Variants in BLTP2 observed in about 807,000 individuals in gnomAD.
BLTP2 encodes bridge-like lipid transfer protein family member 2, also known as U937-associated antigen.
At chr17:28,616,270 T>C in the BLTP2 span, 2 of 1,600,924 alleles carry the variant, frequency 1.2e-6, no homozygotes, top group Non-Finnish European at 1.7e-6. This position sits in a 1 kb window ranked among gnomAD's most constrained non-coding sequence, Gnocchi z 4.8. Flanking sequence ...CATCTCCCTC[T>C]TCTTTTATCC....
chr17:28,632,377 A>C, the BLTP2 span: 1 of 645,548 alleles, frequency 1.5e-6, no homozygotes, highest in South Asian at 2.1e-5. Flanking sequence ...AGCATCCCCA[A>C]CTCCCTCTTC....
chr17:28,619,830 G>A, the BLTP2 span: 1 of 1,613,394 alleles, frequency 6.2e-7, no homozygotes, highest in African/African-American at 1.3e-5. Flanking sequence ...AGACTTCCTG[G>A]TTCTCAAACT....
the BLTP2 span, among the ~76,000 whole-genome samples, chr17:28,641,368 A>C: frequency 6.6e-6 from 1 of 152,194 alleles, no homozygotes; most frequent in Admixed American, 6.5e-5. Flanking sequence ...AAGGCCAGGC[A>C]TGGTGGCTCA....
the BLTP2 span, chr17:28,616,632 T>G: frequency 6.2e-7 from 1 of 1,614,232 alleles, no homozygotes; most frequent in Non-Finnish European, 8.5e-7. The surrounding 1 kb of genome is among the most constrained non-coding windows in gnomAD (Gnocchi z 4.8). Flanking sequence ...AGTCACCAGT[T>G]TGGACTTATC....
At chr17:28,623,686 A>G in the BLTP2 span, 2 of 1,287,772 alleles carry the variant, frequency 1.6e-6, no homozygotes, top group Non-Finnish European at 2.2e-6. Context: ...GGTTACTGTC[A>G]AGAATCTTCC....
At chr17:28,632,131 A>G in the BLTP2 span, 1 of 1,614,198 alleles carries the variant, frequency 6.2e-7, no homozygotes, top group Non-Finnish European at 8.5e-7. Flanking sequence ...CAGGTTATTG[A>G]AGAGCTTTCC....
the BLTP2 span, chr17:28,619,971 G>T: frequency 1.2e-6 from 2 of 1,614,032 alleles, no homozygotes; most frequent in Non-Finnish European, 8.5e-7. Context: ...GATTGCTAGA[G>T]ATCTCAAGCT....
At chr17:28,632,181 GA>G in the BLTP2 span, 2 of 1,614,102 alleles carry the variant, frequency 1.2e-6, no homozygotes, top group Non-Finnish European at 1.7e-6. Flanking sequence ...AAGTTGCCCA[GA>G]AGTTTTGCAT....
At chr17:28,615,656 C>T in the BLTP2 span, 21 of 1,613,430 alleles carry the variant, frequency 1.3e-5, no homozygotes, top group East Asian at 4.5e-5. Flanking sequence ...TGAGCCCTGG[C>T]GGGATACCTG....
At chr17:28,626,353 G>A in the BLTP2 span, among the ~76,000 whole-genome samples, 3 of 152,184 alleles carry the variant, frequency 2.0e-5, no homozygotes, top group East Asian at 3.8e-4. Flanking sequence ...TCTACTAAAA[G>A]AGACTGTTTA....
At chr17:28,642,760 C>CT in the BLTP2 span, 1 of 698,418 alleles carries the variant, frequency 1.4e-6, no homozygotes, top group African/African-American at 1.8e-5. Flanking sequence ...CTAATCTTAG[C>CT]ATCTCCTCCA....
chr17:28,645,028 A>T, the BLTP2 span: 2 of 1,601,582 alleles, frequency 1.2e-6, no homozygotes, highest in Non-Finnish European at 1.7e-6. Flanking sequence ...TAGCAGCAAG[A>T]CCAACAGCGC....
At chr17:28,614,985 G>A in the BLTP2 span, 1 of 1,371,966 alleles carries the variant, frequency 7.3e-7, no homozygotes, top group Non-Finnish European at 1.0e-6. Context: ...GTGGATAACG[G>A]GAAGCCCCTC....
chr17:28,635,529 T>C, the BLTP2 span: 2 of 1,614,026 alleles, frequency 1.2e-6, no homozygotes, highest in Non-Finnish European at 1.7e-6. Flanking sequence ...CTCGGCACTG[T>C]AGAGTGGCCA....
chr17:28,643,798 C>G, the BLTP2 span: 1 of 924,936 alleles, frequency 1.1e-6, no homozygotes, highest in Admixed American at 2.1e-5. Flanking sequence ...TAAATTAGAA[C>G]AGTAAAATCT....
chr17:28,644,433 A>T, the BLTP2 span, among the ~76,000 whole-genome samples: 1 of 152,192 alleles, frequency 6.6e-6, no homozygotes, highest in African/African-American at 2.4e-5. Flanking sequence ...ACAAAAACAA[A>T]ATCCCTCAAA....
chr17:28,630,200 A>G, the BLTP2 span, among the ~76,000 whole-genome samples: 1 of 152,008 alleles, frequency 6.6e-6, no homozygotes, highest in Non-Finnish European at 1.5e-5. Flanking sequence ...TCTGTCACCC[A>G]GGCTGGAGAG....
chr17:28,637,148 G>A, the BLTP2 span: 10 of 1,614,090 alleles, frequency 6.2e-6, no homozygotes, highest in African/African-American at 1.3e-5. Context: ...TAGTTAGGGT[G>A]TCCAGTCGTA....
the BLTP2 span, chr17:28,619,653 C>T: frequency 1.9e-6 from 3 of 1,613,422 alleles, no homozygotes; most frequent in South Asian, 1.1e-5. Flanking sequence ...TGCTGGGGCA[C>T]CTGATGAGGA....
Sources: gnomAD v4.1 joint callset for allele counts (sites outside exome capture counted in the v4.1 genomes callset) on GRCh38, gnomAD v4.1.1 for gene constraint, Gnocchi (gnomAD v3.1) non-coding constraint, MANE v1.5 for transcripts, NCBI Gene and HGNC (gene_info 2026-07-23, HGNC 2026-07-21) for gene names.